DLGAP4: variants seen among roughly 807,000 people sequenced by gnomAD.
DLGAP4 encodes disks large-associated protein 4.
DLGAP4 carries 18 observed loss-of-function variants against 86.9 expected under a neutral mutation model. That is an observed-to-expected ratio of 0.21 (90% CI 0.14 to 0.31). DLGAP4 has a LOEUF of 0.31. DLGAP4 is among the 10% of genes least tolerant of loss of function. The pLI is 1.00. For missense variants in DLGAP4, 1,085 were observed against 1,362.6 expected (o/e 0.80, Z 3.21); for synonymous variants, 548 against 574.3 (o/e 0.95, Z 0.65).
Position 36,439,790 on chromosome 20 carries a change from G to A in DLGAP4, c.1278G>A (p.Leu426=). 1 of 1,613,820 alleles carries A rather than the reference G, an allele frequency of 6.2e-7. No homozygotes were observed. The highest frequency in any genetic ancestry group is 1.1e-5 in the South Asian group (1 of 91,068). ...GCCTGGATTCAGTGGACATGCTGCTGCCCTCCAAGTGTCCGAGCTGGGAAG... is the reference window on the plus strand; with the variant it reads ...GCCTGGATTCAGTGGACATGCTGCTACCCTCCAAGTGTCCGAGCTGGGAAG... ...LDRLDSVDML[L]PSKCPSWEED... The change falls in exon 5 of 13, where the codon CTG becomes CTA. Residue 426 remains leucine, a synonymous_variant. Coordinates refer to ENST00000339266, the MANE Select transcript of DLGAP4 (RefSeq NM_001365621.2).
At chr20:36,436,542 C>T (rs1375519210) in intron 4 of DLGAP4, among the ~76,000 whole-genome samples, 192 bp downstream of exon 4, 1 of 152,144 alleles carries the variant, frequency 6.6e-6, no homozygotes, top group Non-Finnish European at 1.5e-5. Context: ...GCCCGCCCGG[C>T]GCGGTGGCTC....
chr20:36,336,736 C>G (rs782073315), intron 1 of DLGAP4, among the ~76,000 whole-genome samples: 1 of 152,190 alleles, frequency 6.6e-6, no homozygotes, highest in African/African-American at 2.4e-5. Context: ...CAGCTGCTCC[C>G]CACTCCTCTG....
chr20:36,331,191 A>G (rs965375484), intron 1 of DLGAP4, among the ~76,000 whole-genome samples: 5 of 152,202 alleles, frequency 3.3e-5, no homozygotes, highest in Admixed American at 6.5e-5. Context: ...CCTCCTGTCC[A>G]GTGCCCACAC....
At chr20:36,307,616 G>C (rs539654728) in intron 1 of DLGAP4, among the ~76,000 whole-genome samples, 41 of 152,296 alleles carry the variant, frequency 2.7e-4, no homozygotes, top group African/African-American at 9.4e-4. Flanking sequence ...AAGCTTGGAG[G>C]GCAGCGCTGA....
At position 36,352,856 on chromosome 20, in the gene DLGAP4, C is replaced by T. The variant is rs568068524; in HGVS notation, c.-303-14189C>T. Among the ~76,000 whole-genome samples, 19 of 152,174 alleles carry T rather than the reference C, an allele frequency of 1.2e-4. 1 individual carries two copies. Among genetic ancestry groups the T allele is most frequent in the African/African-American group, 4.6e-4 (19 of 41,502 alleles). On this transcript the variant is annotated intron_variant, in intron 1 of 12. Transcript: ENST00000339266. ...GTGTGGGTGACGGGAAGCATGTCTGCTGAACTGAAAGTCTAGATGTTGGTC... is the reference window on the plus strand; with the variant it reads ...GTGTGGGTGACGGGAAGCATGTCTGTTGAACTGAAAGTCTAGATGTTGGTC...
chr20:36,391,729 T>C (rs2031790099), intron 2 of DLGAP4, among the ~76,000 whole-genome samples: 1 of 152,144 alleles, frequency 6.6e-6, no homozygotes, highest in Non-Finnish European at 1.5e-5. Context: ...CAGTCTATAG[T>C]GCTGGGGGGT....
chr20:36,436,187 C>G lies in DLGAP4; in HGVS notation c.1078C>G (p.Pro360Ala). 6.2e-7 allele frequency: 1 copy of G among 1,601,790 alleles called. No homozygotes were observed. The highest frequency in any genetic ancestry group is 8.5e-7 in the Non-Finnish European group (1 of 1,178,842). The change falls in exon 4 of 13, where the codon CCG becomes GCG. Residue 360 changes from proline (P) to alanine (A), a missense_variant. By Grantham distance (27) the Pro-to-Ala change is conservative. This residue lies in a region of DLGAP4 where 1,082 missense variants were observed against 1,344.1 expected (regional missense o/e 0.81). Transcript: ENST00000339266. Reference protein sequence around the residue: ...ETDAAAEGPIPCRRMRSGSYI... With the variant: ...ETDAAAEGPIACRRMRSGSYI... ...GGATGCCGCGGCCGAGGGCCCTATC[C>G]CGTGCCGGCGCATGCGCAGCGGCAG...
intron 2 of DLGAP4, among the ~76,000 whole-genome samples, chr20:36,421,082 A>C (rs1321598104): frequency 6.6e-6 from 1 of 152,194 alleles, no homozygotes; most frequent in Non-Finnish European, 1.5e-5. Flanking sequence ...TCAAGGCTGC[A>C]GTGAGCTATG....
chr20:36,399,308 C>T (rs756519843), intron 2 of DLGAP4, among the ~76,000 whole-genome samples: 17 of 152,260 alleles, frequency 1.1e-4, no homozygotes, highest in Non-Finnish European at 2.5e-4. Flanking sequence ...GTGCTGACTA[C>T]TTCCTAGCTC....
chr20:36,432,937 G>A lies in DLGAP4; in HGVS notation c.999+221G>A, dbSNP rs1569497580. Among the ~76,000 whole-genome samples, 1 of 152,156 alleles carries A rather than the reference G, an allele frequency of 6.6e-6. No homozygotes were observed. The highest frequency in any genetic ancestry group is 2.4e-5 in the African/African-American group (1 of 41,430). ...TTAGGGCCTTTCTGAGCCCAGCCCT[G>A]AGCAGGGACTAAAATATGTTCCTGC... On this transcript the variant is annotated intron_variant, in intron 3 of 12. Transcript: ENST00000339266. This position sits in a 1 kb window ranked among gnomAD's most constrained non-coding sequence, Gnocchi z 6.5.
intron 7 of DLGAP4, chr20:36,465,246 ATCT>A (rs773724585): frequency 2.0e-5 from 3 of 147,682 alleles, no homozygotes; most frequent in African/African-American, 4.9e-5. Flanking sequence ...AATAGGAGTG[ATCT>A]TCTCATCTCT....
intron 3 of DLGAP4, among the ~76,000 whole-genome samples, chr20:36,433,165 G>A (rs779985877): frequency 2.6e-5 from 4 of 152,210 alleles, no homozygotes; most frequent in Non-Finnish European, 4.4e-5. Flanking sequence ...AAATGTGAGC[G>A]AGGGAGGGGT....
intron 2 of DLGAP4, among the ~76,000 whole-genome samples, chr20:36,392,774 C>G (rs1013564922): frequency 6.6e-6 from 1 of 152,206 alleles, no homozygotes; most frequent in Non-Finnish European, 1.5e-5. Context: ...CAGACGGGAC[C>G]CAACCTCAAC....
intron 2 of DLGAP4, among the ~76,000 whole-genome samples, chr20:36,374,032 CAAAA>C (rs11472489): frequency 8.6e-6 from 1 of 115,678 alleles, no homozygotes; most frequent in Admixed American, 9.1e-5. Flanking sequence ...GAGACTGTCT[CAAAA>C]AAAAAAAAAA....
chr20:36,311,494 A>C (rs2065053227), intron 1 of DLGAP4, among the ~76,000 whole-genome samples: 2 of 152,142 alleles, frequency 1.3e-5, no homozygotes, highest in Non-Finnish European at 2.9e-5. Context: ...CTGGTTGCAA[A>C]ACCAGGCTTG....
At chr20:36,436,426 G>A (rs1164283002) in intron 4 of DLGAP4, 76 bp downstream of exon 4, 2 of 1,461,904 alleles carry the variant, frequency 1.4e-6, no homozygotes, top group African/African-American at 2.8e-5. Flanking sequence ...TCCCTGGGAG[G>A]AGCCCTGCAT....
At chr20:36,464,568 G>A (rs778241396) in intron 7 of DLGAP4, among the ~76,000 whole-genome samples, 31 of 151,914 alleles carry the variant, frequency 2.0e-4, no homozygotes, top group Non-Finnish European at 2.5e-4. Context: ...AGACCCTGTC[G>A]ACCGGGCGCG....
chr20:36,507,319 C>CT (rs1359278066), intron 10 of DLGAP4, among the ~76,000 whole-genome samples: 12 of 152,262 alleles, frequency 7.9e-5, no homozygotes, highest in African/African-American at 2.4e-4. Flanking sequence ...CCTCCGCCTC[C>CT]TGGGTGCAAG....
chr20:36,356,692 A>C (rs1401581834), intron 1 of DLGAP4, among the ~76,000 whole-genome samples: 1 of 151,996 alleles, frequency 6.6e-6, no homozygotes, highest in African/African-American at 2.4e-5. Context: ...AAAAAAAAAA[A>C]AGTTAGAACA....
Sources: allele counts gnomAD v4.1 joint callset (sites outside exome capture counted in the v4.1 genomes callset), GRCh38; gene constraint gnomAD v4.1.1; regional missense constraint gnomAD v4.1.1; non-coding constraint Gnocchi (gnomAD v3.1); transcripts MANE v1.5; gene names NCBI Gene and HGNC (gene_info 2026-07-23, HGNC 2026-07-21).